ZFHX3: variants seen among roughly 807,000 people sequenced by gnomAD.
ZFHX3 encodes the protein zinc finger homeobox 3, also known as zinc finger homeobox protein 3.
ZFHX3 carries 42 observed loss-of-function variants against 279.1 expected under a neutral mutation model. The observed-to-expected ratio is 0.15, with a 90% CI of 0.12 to 0.19. The LOEUF (loss-of-function observed/expected upper bound fraction) is 0.19. ZFHX3 is among the 10% of genes least tolerant of loss of function. The pLI is 1.00. For synonymous variants in ZFHX3, 2,293 were observed against 1,957.8 expected (o/e 1.17, Z -4.52); for missense variants, 4,981 against 4,754.0 (o/e 1.05, Z -1.40).
rs186211658 is a variant in ZFHX3, at chr16:73,282,453, T to C, written c.-1193-25317A>G. 3.5e-4 allele frequency among the ~76,000 whole-genome samples: 54 copies of C among 152,344 alleles called. No homozygotes were observed. In the East Asian group the frequency reaches 5.4e-3, roughly 15 times the overall value. ...TGTTTTAGGGAATTCTTTTGGCTAT[T>C]CTATCTTTGATGGATTTTTCATTGG... is the stretch of plus-strand genomic sequence containing the variant. On this transcript the variant is annotated intron_variant, in intron 4 of 17. Coordinates refer to the ZFHX3 transcript ENST00000641206.
At chr16:73,177,783 G>T (rs765196981) in intron 5 of ZFHX3, among the ~76,000 whole-genome samples, 1 of 152,220 alleles carries the variant, frequency 6.6e-6, no homozygotes, top group Non-Finnish European at 1.5e-5. Flanking sequence ...GATAGGCCTT[G>T]TTCTCAAGGA....
intron 1 of ZFHX3, among the ~76,000 whole-genome samples, chr16:73,750,155 A>C (rs1215466060): frequency 1.3e-5 from 2 of 152,234 alleles, no homozygotes; most frequent in Non-Finnish European, 2.9e-5. Context: ...CAAGGCTGAC[A>C]GCTTCCCCTA....
intron 1 of ZFHX3, among the ~76,000 whole-genome samples, chr16:73,811,649 G>C (rs1422202242): frequency 1.3e-5 from 2 of 151,984 alleles, no homozygotes; most frequent in Admixed American, 6.6e-5. Context: ...GTTTCACCAT[G>C]TTGGCCAGGC....
chr16:73,588,694 A>C (rs1294204934), intron 2 of ZFHX3, among the ~76,000 whole-genome samples: 1 of 145,208 alleles, frequency 6.9e-6, no homozygotes. Flanking sequence ...GGTCTCAAAA[A>C]CAAAAAACAA....
intron 5 of ZFHX3, among the ~76,000 whole-genome samples, chr16:73,208,169 C>T (rs932756538): frequency 1.3e-5 from 2 of 152,146 alleles, no homozygotes; most frequent in African/African-American, 2.4e-5. Flanking sequence ...TGCCCCAAAA[C>T]GTTCCTAGCA....
intron 2 of ZFHX3, among the ~76,000 whole-genome samples, chr16:73,538,792 T>C (rs2019955518): frequency 6.6e-6 from 1 of 152,200 alleles, no homozygotes; most frequent in Admixed American, 6.5e-5. Context: ...CGCTCCTTAG[T>C]CATCGGGCAA....
At chr16:73,371,454 G>A (rs941348625) in intron 3 of ZFHX3, among the ~76,000 whole-genome samples, 1 of 151,608 alleles carries the variant, frequency 6.6e-6, no homozygotes, top group Non-Finnish European at 1.5e-5. Context: ...GCGCCAACTC[G>A]GCTCGCTGCA....
chr16:72,940,428 G>A (rs189637528), intron 3 of ZFHX3, among the ~76,000 whole-genome samples: 1 of 152,296 alleles, frequency 6.6e-6, no homozygotes, highest in Admixed American at 6.5e-5. Context: ...GGGAGGAGAA[G>A]AAGTCAGGGT....
At chr16:73,779,145 G>A (rs1281741134) in intron 1 of ZFHX3, among the ~76,000 whole-genome samples, 1 of 152,114 alleles carries the variant, frequency 6.6e-6, no homozygotes, top group Non-Finnish European at 1.5e-5. Context: ...ACCAGCATAT[G>A]GCTATAGCAT....
At position 73,337,783 on chromosome 16, in the gene ZFHX3, T is replaced by C. The variant is rs758721147; in HGVS notation, c.-1290-19447A>G. ...GACCTTGTCATCACCAGCAACGTCA[T>C]CACTTCTAAAATGCTCTTTTAGAAG... On this transcript the variant is annotated intron_variant, in intron 3 of 17. Transcript: ENST00000641206. Among the ~76,000 whole-genome samples the C allele has an allele frequency of 3.4e-4, 51 of 151,348 alleles. 1 individual carries two copies. The highest frequency in any genetic ancestry group is 6.3e-4 in the Non-Finnish European group (43 of 67,880).
intron 2 of ZFHX3, 109 bp downstream of exon 2, chr16:72,957,318 C>G (rs1961296025): frequency 7.4e-7 from 1 of 1,354,568 alleles, no homozygotes; most frequent in African/African-American, 1.5e-5. Context: ...ACAAAAACCA[C>G]TCGAGAAGAC....
At position 73,661,969 on chromosome 16, in the gene ZFHX3, T is replaced by TG. The variant is rs1567545294; in HGVS notation, c.-1547+18210_-1547+18211insC. On this transcript the variant is annotated intron_variant, in intron 2 of 17. Coordinates refer to the ZFHX3 transcript ENST00000641206. ...CCTATAACGTAGGTCATTCTTTTTT[T>TG]TTTGTTTTTTTTTTTAAGGATAGAC... is the stretch of plus-strand genomic sequence containing the variant. Among the ~76,000 whole-genome samples, 114 of 147,368 alleles carry TG rather than the reference T, an allele frequency of 7.7e-4. 1 individual carries two copies. Among genetic ancestry groups the TG allele is most frequent in the African/African-American group, 2.6e-3 (101 of 39,286 alleles).
intron 2 of ZFHX3, among the ~76,000 whole-genome samples, chr16:73,676,859 T>C (rs2052959856): frequency 1.3e-5 from 2 of 151,886 alleles, no homozygotes; most frequent in African/African-American, 4.8e-5. Context: ...ACACAAGAAG[T>C]GGGCAAAGAC....
chr16:73,278,271 G>C (rs988696230), intron 4 of ZFHX3, among the ~76,000 whole-genome samples: 1 of 152,158 alleles, frequency 6.6e-6, no homozygotes, highest in African/African-American at 2.4e-5. Context: ...CAAATCTCTT[G>C]TTAATCAATT....
intron 3 of ZFHX3, among the ~76,000 whole-genome samples, chr16:73,393,520 C>G (rs1311335248): frequency 6.6e-6 from 1 of 152,178 alleles, no homozygotes; most frequent in African/African-American, 2.4e-5. Flanking sequence ...GAGATGAGCA[C>G]ATAACAAAGG....
chr16:73,052,996 C>G (rs977953161), upstream of ZFHX3, among the ~76,000 whole-genome samples: 1 of 152,202 alleles, frequency 6.6e-6, no homozygotes, highest in Non-Finnish European at 1.5e-5. Context: ...ATTTTTCACC[C>G]GTCTTACTTG....
chr16:72,821,734 TG>T (rs1446432865), intron 5 of ZFHX3, among the ~76,000 whole-genome samples: 2 of 152,152 alleles, frequency 1.3e-5, no homozygotes, highest in Non-Finnish European at 2.9e-5. Context: ...CATCTGTCAA[TG>T]GGATAACACT....
In ZFHX3 at chr16:73,550,672, T is replaced by C. The variant is rs76256185; in HGVS notation, c.-1546-94414A>G. On this transcript the variant is annotated intron_variant, in intron 2 of 17. Coordinates refer to the ZFHX3 transcript ENST00000641206. Reference sequence around the variant, plus strand: ...TATTTCTTGCTTTGATTTTTCTCTTTCTTCTAAGCACCGCTTATATAGTGC... The same window carrying C: ...TATTTCTTGCTTTGATTTTTCTCTTCCTTCTAAGCACCGCTTATATAGTGC... Among the ~76,000 whole-genome samples, 925 of 152,354 alleles carry C rather than the reference T, an allele frequency of 6.1e-3. 7 individuals carry two copies. The highest frequency in any genetic ancestry group is 0.021 in the African/African-American group (872 of 41,582).
chr16:73,582,569 G>C (rs564132731), intron 2 of ZFHX3, among the ~76,000 whole-genome samples: 1 of 151,848 alleles, frequency 6.6e-6, no homozygotes, highest in African/African-American at 2.4e-5. Context: ...CCACCTCCTG[G>C]GTTCAAGCGA....
Sources: gnomAD v4.1 joint callset for allele counts (sites outside exome capture counted in the v4.1 genomes callset) on GRCh38, gnomAD v4.1.1 for gene constraint, MANE v1.5 for transcripts, NCBI Gene and HGNC (gene_info 2026-07-23, HGNC 2026-07-21) for gene names.